PINX1: variants seen among roughly 807,000 people sequenced by gnomAD.
The protein encoded by PINX1 is PIN2 (TERF1) interacting telomerase inhibitor 1.
In PINX1, 34 loss-of-function variants were observed where a neutral mutation model predicts 25.4. The observed-to-expected ratio is 1.34, with a 90% confidence interval of 1.02 to 1.78. The LOEUF (loss-of-function observed/expected upper bound fraction) is 1.78, where lower values mean the gene tolerates loss of function less well. Ranked by LOEUF, PINX1 falls within the 40% of genes most tolerant of loss-of-function variation. The pLI is 0.00. For synonymous variants in PINX1, 197 were observed against 147.7 expected, an observed-to-expected ratio of 1.33 and a Z score of -2.42; for missense variants, 592 against 404.9, an observed-to-expected ratio of 1.46 and a Z score of -3.97.
chr8:10,795,611 G>A (rs961600649), intron 6 of PINX1, among the ~76,000 whole-genome samples: 4 of 152,168 alleles, frequency 2.6e-5, no homozygotes, highest in Non-Finnish European at 4.4e-5. Flanking sequence ...ATGTTGGCCA[G>A]GCTGGTCTCG....
intron 5 of PINX1, among the ~76,000 whole-genome samples, chr8:10,823,992 GCAATATGAAT>G (rs1176813642): frequency 6.6e-6 from 1 of 152,146 alleles, no homozygotes; most frequent in Non-Finnish European, 1.5e-5. Context: ...TACATGAGTT[GCAATATGAAT>G]CATCCTCATC....
intron 6 of PINX1, among the ~76,000 whole-genome samples, chr8:10,772,668 A>C (rs934729026): frequency 1.3e-5 from 2 of 152,254 alleles, no homozygotes; most frequent in African/African-American, 2.4e-5. Flanking sequence ...CAAGTATCAC[A>C]AGAGTCAAAA....
chr8:10,822,201 G>A (rs1011627216), intron 5 of PINX1: 1 of 152,212 alleles, frequency 6.6e-6, no homozygotes, highest in African/African-American at 2.4e-5. Flanking sequence ...ACAAAAAGGT[G>A]AAGATGGAAG....
chr8:10,820,935 G>A (rs748321170), intron 5 of PINX1, among the ~76,000 whole-genome samples: 41 of 152,120 alleles, frequency 2.7e-4, no homozygotes, highest in Non-Finnish European at 4.9e-4. Flanking sequence ...ATGGCTCTAT[G>A]GTTCTTATTT....
intron 6 of PINX1, among the ~76,000 whole-genome samples, chr8:10,815,961 C>A (rs757054656): frequency 1.2e-4 from 19 of 152,166 alleles, no homozygotes; most frequent in Non-Finnish European, 2.6e-4. Flanking sequence ...CAGATCTGAG[C>A]AGCCTCAGCA....
intron 6 of PINX1, among the ~76,000 whole-genome samples, chr8:10,769,965 A>G (rs1801173394): frequency 6.6e-6 from 1 of 152,240 alleles, no homozygotes; most frequent in Non-Finnish European, 1.5e-5. Flanking sequence ...ATCCACAGAA[A>G]TAGTACTTTC....
chr8:10,777,313 C>A (rs1586138791), intron 6 of PINX1, among the ~76,000 whole-genome samples: 1 of 152,258 alleles, frequency 6.6e-6, no homozygotes, highest in Non-Finnish European at 1.5e-5. Context: ...TTTCTCCTTT[C>A]TGGCTCCTCT....
In PINX1 at chr8:10,829,833, C is replaced by T. The variant is rs181293544; in HGVS notation, c.301+1832G>A. ...CCAAGTAGCTGGGATTACAGGCATA[C>T]GCCACCACGCCCAGCTAATTTTGTA... On this transcript the variant is annotated intron_variant, in intron 4 of 6. Transcript: ENST00000314787. 1.7e-3 allele frequency among the ~76,000 whole-genome samples: 254 copies of T among 152,204 alleles called. 1 individual carries two copies. Among genetic ancestry groups the T allele is most frequent in the African/African-American group, 3.3e-3 (136 of 41,510 alleles).
chr8:10,785,318 A>G (rs1801714128), intron 6 of PINX1, among the ~76,000 whole-genome samples: 1 of 152,212 alleles, frequency 6.6e-6, no homozygotes, highest in African/African-American at 2.4e-5. Flanking sequence ...GTAGCAAGTT[A>G]ACCCATCAGA....
chr8:10,813,645 T>C (rs1797604729), intron 6 of PINX1, among the ~76,000 whole-genome samples: 1 of 152,166 alleles, frequency 6.6e-6, no homozygotes, highest in Non-Finnish European at 1.5e-5. Flanking sequence ...AGGAAAATGA[T>C]TATTGATTTG....
chr8:10,833,089 G>A, intron 2 of PINX1, 105 bp from the exon 3 acceptor site: 3 of 643,228 alleles, frequency 4.7e-6, no homozygotes, highest in Non-Finnish European at 8.1e-6. Context: ...GTTCTGAGTT[G>A]ATGATTCTCT....
chr8:10,798,320 T>C (rs1020359227), intron 6 of PINX1, among the ~76,000 whole-genome samples: 12 of 152,248 alleles, frequency 7.9e-5, no homozygotes, highest in African/African-American at 2.4e-4. Flanking sequence ...GAGAAATTAT[T>C]ACTTCAAGTT....
chr8:10,826,072 G>T, intron 5 of PINX1, 80 bp downstream of exon 5: 2 of 720,846 alleles, frequency 2.8e-6, no homozygotes, highest in Non-Finnish European at 4.8e-6. Flanking sequence ...AGTCGCTATT[G>T]GCCCAGAGCT....
chr8:10,778,634 T>C (rs1026222685), intron 6 of PINX1, among the ~76,000 whole-genome samples: 1 of 152,172 alleles, frequency 6.6e-6, no homozygotes, highest in Non-Finnish European at 1.5e-5. Flanking sequence ...ACAATGCATA[T>C]CACCATCTGA....
chr8:10,834,807 G>A, intron 1 of PINX1, 32 bp from the exon 2 acceptor site: 3 of 1,495,492 alleles, frequency 2.0e-6, no homozygotes, highest in Non-Finnish European at 2.8e-6. Context: ...CATCAGCAAT[G>A]GAGATGATAC....
chr8:10,797,207 T>C (rs914176430), intron 6 of PINX1, among the ~76,000 whole-genome samples: 2 of 152,238 alleles, frequency 1.3e-5, no homozygotes, highest in African/African-American at 4.8e-5. Flanking sequence ...TACTTTAACC[T>C]TTGTCAGCTT....
At chr8:10,789,647 T>A (rs1475226381) in intron 6 of PINX1, among the ~76,000 whole-genome samples, 1 of 152,186 alleles carries the variant, frequency 6.6e-6, no homozygotes, top group African/African-American at 2.4e-5. Flanking sequence ...ACAACACATG[T>A]CACAGGCCCA....
intron 4 of PINX1, among the ~76,000 whole-genome samples, chr8:10,826,800 C>G (rs922832014): frequency 5.3e-5 from 8 of 152,284 alleles, no homozygotes; most frequent in South Asian, 4.2e-4. Flanking sequence ...GACAAAACTA[C>G]AGAGAGAGAG....
chr8:10,804,014 ATAGTTACC>A (rs1199028703), intron 6 of PINX1, among the ~76,000 whole-genome samples: 1 of 91,284 alleles, frequency 1.1e-5, no homozygotes, highest in African/African-American at 3.6e-5. Context: ...ACGAACTCAT[ATAGTTACC>A]TAGTTACCTA....
Sources: allele counts gnomAD v4.1 joint callset (sites outside exome capture counted in the v4.1 genomes callset), GRCh38; gene constraint gnomAD v4.1.1; transcripts MANE v1.5; gene names NCBI Gene and HGNC (gene_info 2026-07-23, HGNC 2026-07-21).